Variants in CAPN3 observed in about 807,000 individuals in gnomAD.
CAPN3 encodes the protein calpain 3.
Under a neutral mutation model 114.0 loss-of-function variants are expected in CAPN3, and 88 were observed. The ratio of observed to expected loss-of-function variants is 0.77; its 90% CI spans 0.65 to 0.92. CAPN3 has a LOEUF of 0.92. Ranked by LOEUF, CAPN3 falls within the 40% of genes least tolerant of loss-of-function variation. CAPN3 has a pLI of 0.00. For synonymous variants in CAPN3, 386 were observed against 382.9 expected, an observed-to-expected ratio of 1.01 and a Z score of -0.09; for missense variants, 1,028 against 1,069.0, an observed-to-expected ratio of 0.96 and a Z score of 0.53.
chr15:42,403,626 C>G (rs1390733710), intron 13 of CAPN3, 115 bp from the exon 14 acceptor site: 1 of 958,092 alleles, frequency 1.0e-6, no homozygotes, highest in Non-Finnish European at 1.7e-6. Flanking sequence ...CAGGGGTTCT[C>G]TAGAGGCTGG....
At chr15:42,364,465 G>C (rs1172015319) in intron 1 of CAPN3, among the ~76,000 whole-genome samples, 1 of 152,176 alleles carries the variant, frequency 6.6e-6, no homozygotes, top group Non-Finnish European at 1.5e-5. Flanking sequence ...CATTTTTCCA[G>C]CTTAATTTGT....
At chr15:42,395,272 C>T (rs1457366496) in intron 8 of CAPN3, among the ~76,000 whole-genome samples, 1 of 152,206 alleles carries the variant, frequency 6.6e-6, no homozygotes, top group Non-Finnish European at 1.5e-5. Flanking sequence ...CTCCTGCAGA[C>T]ATTCTCATGC....
In CAPN3 at chr15:42,396,456, G is replaced by T. The variant is rs182613999; in HGVS notation, c.1116-344G>T. Among the ~76,000 whole-genome samples the T allele has an allele frequency of 3.2e-4, 49 of 152,198 alleles. 1 individual carries two copies. The East Asian group carries it at 4.1e-3, about 13-fold the overall frequency. On this transcript the variant is annotated intron_variant, in intron 8 of 23. Transcript: ENST00000397163. ...GGGGTTTCACCATATTGGCCAGGCTGGTCTCGAAATCCTGACCTTGTGATC... is the reference window on the plus strand; with the variant it reads ...GGGGTTTCACCATATTGGCCAGGCTTGTCTCGAAATCCTGACCTTGTGATC...
intron 1 of CAPN3, among the ~76,000 whole-genome samples, chr15:42,375,998 G>A (rs901091669): frequency 4.6e-5 from 7 of 152,128 alleles, no homozygotes; most frequent in Admixed American, 1.3e-4. Flanking sequence ...AAGAGTACTC[G>A]TCAGGTATTC....
chr15:42,409,772 T>C lies in CAPN3; in HGVS notation c.1993-15T>C. ...GTACTCCTGAACCATGACCCTCCTC[T>C]CCCTTCCTCCTCAGGACATGGAGAT... is the stretch of plus-strand genomic sequence containing the variant. On this transcript the variant is annotated splice_polypyrimidine_tract_variant and intron_variant, in intron 17 of 23. Transcript: ENST00000397163. The C allele has an allele frequency of 6.2e-7, 1 of 1,606,548 alleles. No homozygotes were observed. Among genetic ancestry groups the C allele is most frequent in the Non-Finnish European group, 8.5e-7 (1 of 1,178,354 alleles).
intron 17 of CAPN3, 102 bp from the exon 18 acceptor site, chr15:42,409,685 G>A: frequency 9.2e-7 from 1 of 1,085,258 alleles, no homozygotes; most frequent in Non-Finnish European, 1.4e-6. Context: ...AGCACCGACA[G>A]GGATTTTACA....
intron 2 of CAPN3, chr15:42,385,678 G>C (rs1566974108): frequency 7.7e-6 from 4 of 520,006 alleles, no homozygotes; most frequent in Non-Finnish European, 1.5e-5. Flanking sequence ...GCCCCCTATA[G>C]ACGGGTTCCA....
intron 8 of CAPN3, 49 bp downstream of exon 8, chr15:42,394,390 G>A (rs564904902): frequency 1.2e-5 from 17 of 1,422,218 alleles, no homozygotes; most frequent in Admixed American, 9.8e-5. Context: ...AACAGGGTCC[G>A]GGACAAGGCT....
chr15:42,410,874 C>A lies in CAPN3; in HGVS notation c.2264-10C>A, dbSNP rs748702355. The A allele has an allele frequency of 8.7e-6, 14 of 1,605,096 alleles. No homozygotes were observed. The highest frequency in any genetic ancestry group is 1.2e-5 in the Non-Finnish European group (14 of 1,171,868). On this transcript the variant is annotated splice_polypyrimidine_tract_variant and intron_variant, in intron 21 of 23. Coordinates refer to ENST00000397163, the MANE Select transcript of CAPN3 (RefSeq NM_000070.3). ...CTCCACGTCCACCTCTAACATGGTC[C>A]CCTCCACAGGATTCCACCTCAACAA...
chr15:42,380,171 C>A (rs2053198285), intron 1 of CAPN3, among the ~76,000 whole-genome samples: 1 of 151,984 alleles, frequency 6.6e-6, no homozygotes, highest in South Asian at 2.1e-4. Context: ...ACTTTCACAG[C>A]CTTTGTCTTT....
At chr15:42,387,001 C>G (rs1433119354) in intron 3 of CAPN3, among the ~76,000 whole-genome samples, 2 of 152,128 alleles carry the variant, frequency 1.3e-5, no homozygotes, top group Non-Finnish European at 2.9e-5. Context: ...GGTCTTGCAC[C>G]TCAGCACGGA....
In CAPN3 at chr15:42,403,736, C is replaced by T. The variant is rs2141205216; in HGVS notation, c.1746-5C>T. ...TGAGACCCCACATGTCTGTATTCCTCACAGGGAAGTTGAAAATACCATCTC... is the reference window on the plus strand; with the variant it reads ...TGAGACCCCACATGTCTGTATTCCTTACAGGGAAGTTGAAAATACCATCTC... On this transcript the variant is annotated splice_polypyrimidine_tract_variant and splice_region_variant and intron_variant, in intron 13 of 23. Transcript: ENST00000397163. 3 of 1,613,710 alleles carry T rather than the reference C, an allele frequency of 1.9e-6. No homozygotes were observed. The highest frequency in any genetic ancestry group is 2.5e-6 in the Non-Finnish European group (3 of 1,179,648).
rs145576338 is a variant in CAPN3, at chr15:42,397,989, C to T, written c.1193+1112C>T. Among the ~76,000 whole-genome samples, 1,103 of 151,970 alleles carry T rather than the reference C, an allele frequency of 7.3e-3. 17 individuals carry two copies. The highest frequency in any genetic ancestry group is 0.026 in the African/African-American group (1,059 of 41,452). The stretch of plus-strand genomic sequence containing the variant: ...TGAACTATGATTGTACCACTGCAGT[C>T]CATCCTGGGCAACAGAGCAAGACAC... On this transcript the variant is annotated intron_variant, in intron 9 of 23. Coordinates refer to ENST00000397163, the MANE Select transcript of CAPN3 (RefSeq NM_000070.3).
rs886043344 is a variant in CAPN3, at chr15:42,394,249, G to A, written c.1030-7G>A. The A allele has an allele frequency of 2.5e-5, 39 of 1,554,492 alleles. No homozygotes were observed. The highest frequency in any genetic ancestry group is 3.4e-5 in the Non-Finnish European group (39 of 1,148,416). On this transcript the variant is annotated splice_polypyrimidine_tract_variant and splice_region_variant and intron_variant, in intron 7 of 23. Transcript: ENST00000397163. ...CAGAGCATGAGAGCTCTTTCTGTGT[G>A]CTTAAGGTCCCGTTCAAAGGTGAGA...
At chr15:42,401,358 G>GT (rs1555422030) in intron 10 of CAPN3, among the ~76,000 whole-genome samples, 1 of 151,614 alleles carries the variant, frequency 6.6e-6, no homozygotes, top group Non-Finnish European at 1.5e-5. Flanking sequence ...CACCAACAGC[G>GT]TTTAAGGGGC....
At chr15:42,390,792 T>G (rs1595824651) in intron 6 of CAPN3, among the ~76,000 whole-genome samples, 2 of 142,758 alleles carry the variant, frequency 1.4e-5, no homozygotes, top group African/African-American at 5.6e-5. Context: ...GTTTTTTTGT[T>G]TTTTTTTTTT....
At chr15:42,403,501 T>G (rs1006338224) in intron 13 of CAPN3, among the ~76,000 whole-genome samples, 1 of 152,080 alleles carries the variant, frequency 6.6e-6, no homozygotes, top group Non-Finnish European at 1.5e-5. Context: ...CATGGGTAGG[T>G]GGCTGGGTCA....
At chr15:42,405,606 C>T (rs1364680773) in intron 14 of CAPN3, among the ~76,000 whole-genome samples, 1 of 152,190 alleles carries the variant, frequency 6.6e-6, no homozygotes, top group Non-Finnish European at 1.5e-5. Flanking sequence ...GCCAGCACGC[C>T]CGGCCACCAA....
At chr15:42,409,700 C>A in intron 17 of CAPN3, 87 bp from the exon 18 acceptor site, 1 of 1,202,108 alleles carries the variant, frequency 8.3e-7, no homozygotes, top group Non-Finnish European at 1.2e-6. Context: ...TTTACAAACA[C>A]AGCCAGGTGG....
Sources: gnomAD v4.1 joint callset for allele counts (sites outside exome capture counted in the v4.1 genomes callset) on GRCh38, gnomAD v4.1.1 for gene constraint, MANE v1.5 for transcripts, NCBI Gene and HGNC (gene_info 2026-07-23, HGNC 2026-07-21) for gene names.